Variants in AGTR1 observed in about 807,000 individuals in gnomAD.
AGTR1 encodes angiotensin II receptor type 1, also known as type-1 angiotensin II receptor.
A neutral mutation model predicts 19.4 loss-of-function variants in AGTR1; 16 were observed. That is an observed-to-expected ratio of 0.82 (90% CI 0.56 to 1.25). The LOEUF is 1.25. Ranked by LOEUF, AGTR1 falls within the 50% of genes most tolerant of loss-of-function variation. The pLI, the probability that AGTR1 is intolerant of heterozygous loss-of-function variation, is 0.00. For synonymous variants in AGTR1, 153 were observed against 154.9 expected, an observed-to-expected ratio of 0.99 and a Z score of 0.09; for missense variants, 373 against 431.9, an observed-to-expected ratio of 0.86 and a Z score of 1.21.
At chr3:148,707,344 C>T (rs1483122588) in intron 1 of AGTR1, among the ~76,000 whole-genome samples, 6 of 151,948 alleles carry the variant, frequency 3.9e-5, no homozygotes, top group Non-Finnish European at 7.4e-5. Context: ...TTAGTAGTAC[C>T]TCTGGGAAGT....
At chr3:148,701,973 GT>G (rs1489363321) in intron 1 of AGTR1, among the ~76,000 whole-genome samples, 2 of 143,540 alleles carry the variant, frequency 1.4e-5, no homozygotes, top group Non-Finnish European at 3.0e-5. Context: ...ATATGATTGT[GT>G]ACCTTTTTTT....
chr3:148,735,485 C>G (rs1714524589), intron 2 of AGTR1, among the ~76,000 whole-genome samples: 1 of 151,444 alleles, frequency 6.6e-6, no homozygotes, highest in South Asian at 2.1e-4. Flanking sequence ...TATCAAGAAA[C>G]AGTGTCCACA....
intron 1 of AGTR1, among the ~76,000 whole-genome samples, chr3:148,704,786 G>T (rs1339585057): frequency 1.3e-5 from 2 of 152,124 alleles, no homozygotes; most frequent in Non-Finnish European, 2.9e-5. Context: ...GGTGTGTATG[G>T]GTTCCCTGGG....
At chr3:148,732,730 A>ATTTTTT (rs778034622) in intron 2 of AGTR1, among the ~76,000 whole-genome samples, 10 of 109,950 alleles carry the variant, frequency 9.1e-5, no homozygotes, top group East Asian at 2.4e-4. Context: ...GCTTCGGAAA[A>ATTTTTT]TTTTTTTTTT....
In AGTR1 at chr3:148,742,859, A is replaced by G. The variant is rs926213529; in HGVS notation, c.*744A>G. ...ATATAGTTTGTGGTAAAAAGATTAT[A>G]TATCATAAAGTATGCCTTCCTGTTT... On this transcript the variant is annotated 3_prime_UTR_variant, in exon 3 of 3. Coordinates refer to ENST00000349243, the MANE Select transcript of AGTR1 (RefSeq NM_000685.5). 1.2e-5 allele frequency: 2 copies of G among 167,178 alleles called. No homozygotes were observed. Among genetic ancestry groups the G allele is most frequent in the Non-Finnish European group, 2.9e-5 (2 of 68,236 alleles). The allele number at this position is 167,178 out of a possible 1,614,324, so 10.4% of individuals were successfully genotyped here.
chr3:148,723,656 G>A (rs766779514), intron 2 of AGTR1, among the ~76,000 whole-genome samples: 26 of 152,200 alleles, frequency 1.7e-4, no homozygotes, highest in Non-Finnish European at 3.4e-4. Flanking sequence ...ATGAGGGGTA[G>A]GGGTGAAGTT....
chr3:148,719,690 T>C (rs1713511861), intron 2 of AGTR1, among the ~76,000 whole-genome samples: 1 of 152,106 alleles, frequency 6.6e-6, no homozygotes, highest in African/African-American at 2.4e-5. Context: ...CTAGTGCTTC[T>C]CAAACTCTAA....
chr3:148,706,078 T>G (rs931560693), intron 1 of AGTR1, among the ~76,000 whole-genome samples: 12 of 151,992 alleles, frequency 7.9e-5, no homozygotes, highest in African/African-American at 2.9e-4. Flanking sequence ...GGATCTCTAT[T>G]GATTTTATAT....
intron 1 of AGTR1, among the ~76,000 whole-genome samples, chr3:148,698,972 G>T (rs914498061): frequency 7.0e-6 from 1 of 143,212 alleles, no homozygotes; most frequent in African/African-American, 2.9e-5. Context: ...TCCCCAAAGC[G>T]TCTCCTTCTG....
intron 2 of AGTR1, among the ~76,000 whole-genome samples, chr3:148,713,208 A>G (rs1442701422): frequency 6.6e-6 from 1 of 151,734 alleles, no homozygotes; most frequent in African/African-American, 2.4e-5. Context: ...TTGCAGTTTT[A>G]TTTTCTTAGG....
At chr3:148,725,535 A>G (rs752089924) in intron 2 of AGTR1, among the ~76,000 whole-genome samples, 8 of 152,214 alleles carry the variant, frequency 5.3e-5, no homozygotes, top group Non-Finnish European at 1.0e-4. Flanking sequence ...GCTGGAGTGC[A>G]GTGGCGCGAT....
At chr3:148,720,136 G>A (rs1713548215) in intron 2 of AGTR1, among the ~76,000 whole-genome samples, 1 of 152,236 alleles carries the variant, frequency 6.6e-6, no homozygotes, top group South Asian at 2.1e-4. Flanking sequence ...GTTAGAGGTA[G>A]CTACAATTAA....
chr3:148,712,822 T>C (rs140591436), intron 2 of AGTR1, among the ~76,000 whole-genome samples: 1 of 152,294 alleles, frequency 6.6e-6, no homozygotes, highest in African/African-American at 2.4e-5. Context: ...CATTAATGAA[T>C]GCTAGCTAGT....
intron 2 of AGTR1, among the ~76,000 whole-genome samples, chr3:148,735,457 A>G (rs935654877): frequency 6.6e-6 from 1 of 152,122 alleles, no homozygotes; most frequent in African/African-American, 2.4e-5. Context: ...AGATTACAAA[A>G]CCTAAGCAGA....
chr3:148,726,361 A>G (rs1713937663), intron 2 of AGTR1, among the ~76,000 whole-genome samples: 1 of 152,026 alleles, frequency 6.6e-6, no homozygotes, highest in South Asian at 2.1e-4. Context: ...GGTGCATGCC[A>G]CCATGCCTGG....
chr3:148,710,901 C>A (rs1278833716), intron 2 of AGTR1, among the ~76,000 whole-genome samples: 1 of 151,914 alleles, frequency 6.6e-6, no homozygotes, highest in Non-Finnish European at 1.5e-5. Context: ...ACACCTCCCC[C>A]CTCTCTCTCT....
chr3:148,709,293 C>G (rs1335805037), intron 2 of AGTR1, among the ~76,000 whole-genome samples: 1 of 152,010 alleles, frequency 6.6e-6, no homozygotes, highest in African/African-American at 2.4e-5. Context: ...GAGTTTTGTC[C>G]ATGATATCCC....
intron 2 of AGTR1, among the ~76,000 whole-genome samples, chr3:148,718,876 T>A (rs1040555604): frequency 6.6e-6 from 1 of 152,244 alleles, no homozygotes; most frequent in Non-Finnish European, 1.5e-5. Flanking sequence ...CATAGGCATT[T>A]TGAAGAAAAT....
At chr3:148,726,671 T>C (rs1195239926) in intron 2 of AGTR1, among the ~76,000 whole-genome samples, 1 of 152,206 alleles carries the variant, frequency 6.6e-6, no homozygotes, top group African/African-American at 2.4e-5. Context: ...CTTTATGGGC[T>C]TTTTCTTCAT....
Sources: allele counts gnomAD v4.1 joint callset (sites outside exome capture counted in the v4.1 genomes callset), GRCh38; gene constraint gnomAD v4.1.1; transcripts MANE v1.5; gene names NCBI Gene and HGNC (gene_info 2026-07-23, HGNC 2026-07-21).